The following CLSTN2 variants were observed in gnomAD, a reference collection of about 807,000 sequenced individuals.
CLSTN2 encodes the protein calsyntenin 2.
A neutral mutation model predicts 101.2 loss-of-function variants in CLSTN2; 48 were observed. The observed-to-expected ratio is 0.47, with a 90% CI of 0.38 to 0.60. The LOEUF is 0.60. CLSTN2 is among the 20% of genes least tolerant of loss of function. CLSTN2 has a pLI of 0.00. For missense variants in CLSTN2, 1,160 were observed against 1,238.2 expected (o/e 0.94, Z 0.95); for synonymous variants, 481 against 463.6 (o/e 1.04, Z -0.48).
In CLSTN2 at chr3:140,170,331, TAGACAA is replaced by T. The variant is rs145966499; in HGVS notation, c.110-5617_110-5612del. Among the ~76,000 whole-genome samples, 902 of 152,312 alleles carry T rather than the reference TAGACAA, an allele frequency of 5.9e-3. 5 individuals are homozygous for T. The highest frequency in any genetic ancestry group is 0.019 in the African/African-American group (779 of 41,568). On this transcript the variant is annotated intron_variant, in intron 1 of 16. Coordinates refer to ENST00000458420, the MANE Select transcript of CLSTN2 (RefSeq NM_022131.3). ...TTTGCAACCCTGATGATTTGATCTA[TAGACAA>T]AGGATAGAAGGCAATTTTGTTTATG... is the stretch of plus-strand genomic sequence containing the variant.
At chr3:140,233,771 G>A (rs1373230275) in intron 2 of CLSTN2, among the ~76,000 whole-genome samples, 1 of 152,138 alleles carries the variant, frequency 6.6e-6, no homozygotes, top group Non-Finnish European at 1.5e-5. Flanking sequence ...TAATATATCT[G>A]TTTAGCTTGA....
At chr3:140,290,677 C>A (rs138077377) in intron 2 of CLSTN2, among the ~76,000 whole-genome samples, 1 of 152,206 alleles carries the variant, frequency 6.6e-6, no homozygotes, top group South Asian at 2.1e-4. Flanking sequence ...CCTGGTTGAC[C>A]GCTAGCTTTG....
At chr3:140,014,058 T>A (rs2007145067) in intron 1 of CLSTN2, among the ~76,000 whole-genome samples, 1 of 152,172 alleles carries the variant, frequency 6.6e-6, no homozygotes, top group Non-Finnish European at 1.5e-5. Flanking sequence ...ATTTTCCAAT[T>A]CCATAGCCAA....
chr3:140,384,258 T>G (rs2088026138), intron 2 of CLSTN2, among the ~76,000 whole-genome samples: 1 of 152,218 alleles, frequency 6.6e-6, no homozygotes, highest in African/African-American at 2.4e-5. Context: ...ACTCCACCAT[T>G]TCATTCCTGC....
At chr3:140,427,864 CAGTGA>C (rs1233614246) in intron 5 of CLSTN2, among the ~76,000 whole-genome samples, 1 of 152,196 alleles carries the variant, frequency 6.6e-6, no homozygotes, top group Admixed American at 6.5e-5. Flanking sequence ...GAGCACTATA[CAGTGA>C]ACCCAGTTTG....
In CLSTN2 at chr3:139,935,615, G is replaced by T. The variant is rs1326819003; in HGVS notation, c.109+132G>T. The T allele has an allele frequency of 4.6e-6, 2 of 433,672 alleles. No homozygotes were observed. The highest frequency in any genetic ancestry group is 3.8e-6 in the Non-Finnish European group (1 of 260,930). 26.9% of individuals were successfully genotyped at this position (433,672 alleles called of 1,614,324 possible). A position where few individuals can be genotyped will look rare whatever the true frequency, so the allele number is the denominator to read the frequency against. On this transcript the variant is annotated intron_variant, in intron 1 of 16. Coordinates refer to ENST00000458420, the MANE Select transcript of CLSTN2 (RefSeq NM_022131.3). This position sits in a 1 kb window ranked among gnomAD's most constrained non-coding sequence, Gnocchi z 5.5. ...GCCGCAGCTTCTTTGGCCTCTGTGCGCCCTGGATTCCCGAAGTCAGTTCCC... is the reference window on the plus strand; with the variant it reads ...GCCGCAGCTTCTTTGGCCTCTGTGCTCCCTGGATTCCCGAAGTCAGTTCCC...
At chr3:140,369,523 A>C (rs1225030600) in intron 2 of CLSTN2, among the ~76,000 whole-genome samples, 2 of 152,132 alleles carry the variant, frequency 1.3e-5, no homozygotes, top group Non-Finnish European at 2.9e-5. Flanking sequence ...TGCATTTGCT[A>C]TCCTCTGGAC....
chr3:140,561,146 T>TATAA (rs1296095892), intron 12 of CLSTN2, among the ~76,000 whole-genome samples: 1 of 152,104 alleles, frequency 6.6e-6, no homozygotes. Flanking sequence ...TAGTACACTT[T>TATAA]ATAAATAAAT....
At chr3:140,397,677 CA>C (rs373471300) in intron 2 of CLSTN2, among the ~76,000 whole-genome samples, 5 of 152,294 alleles carry the variant, frequency 3.3e-5, no homozygotes, top group African/African-American at 1.2e-4. Flanking sequence ...GAGCACAAAT[CA>C]TGACCTAATT....
chr3:140,545,396 A>T (rs1935566290), intron 9 of CLSTN2, among the ~76,000 whole-genome samples: 1 of 152,210 alleles, frequency 6.6e-6, no homozygotes, highest in African/African-American at 2.4e-5. Flanking sequence ...GGAGCCACCA[A>T]GAGAGCCCAG....
intron 2 of CLSTN2, among the ~76,000 whole-genome samples, chr3:140,187,060 G>A (rs890530285): frequency 2.6e-5 from 4 of 152,152 alleles, no homozygotes; most frequent in Admixed American, 2.6e-4. Context: ...CATGGCCCTT[G>A]GCCCTTTCCT....
In CLSTN2 at chr3:140,239,722, C is replaced by T. The variant is rs530452044; in HGVS notation, c.232+63649C>T. 5.3e-5 allele frequency among the ~76,000 whole-genome samples: 8 copies of T among 152,132 alleles called. No homozygotes were observed. The East Asian group carries it at 1.4e-3, about 26-fold the overall frequency. ...TCTCCAAGTGCTAAAAGCCTTTCTG[C>T]AAATTTTGATGTGTACACATTATCA... On this transcript the variant is annotated intron_variant, in intron 2 of 16. Transcript: ENST00000458420.
intron 8 of CLSTN2, chr3:140,507,091 A>G (rs1225871553): frequency 6.6e-6 from 1 of 152,088 alleles, no homozygotes; most frequent in East Asian, 1.9e-4. Flanking sequence ...CTCTTCCTGG[A>G]CTGGGCAGAG....
chr3:140,126,097 A>T (rs934005493), intron 1 of CLSTN2, among the ~76,000 whole-genome samples: 2 of 152,148 alleles, frequency 1.3e-5, no homozygotes, highest in African/African-American at 4.8e-5. Context: ...GATGATGTAT[A>T]GCCTTAGGAG....
intron 2 of CLSTN2, among the ~76,000 whole-genome samples, chr3:140,250,364 A>G (rs1340731730): frequency 1.3e-5 from 2 of 152,174 alleles, no homozygotes; most frequent in African/African-American, 2.4e-5. Flanking sequence ...TCATGGTGAA[A>G]TGGGGGCAGA....
In CLSTN2 at chr3:140,531,140, G is replaced by A. The variant is rs1458445506; in HGVS notation, c.1345-1184G>A. Among the ~76,000 whole-genome samples the A allele has an allele frequency of 2.0e-5, 3 of 152,134 alleles. No individual in the cohort carries two copies. The East Asian group carries it at 5.8e-4, about 29-fold the overall frequency. On this transcript the variant is annotated intron_variant, in intron 8 of 16. Coordinates refer to ENST00000458420, the MANE Select transcript of CLSTN2 (RefSeq NM_022131.3). The stretch of plus-strand genomic sequence containing the variant: ...GTTTGGTCCAGGGCACCGAGCATGA[G>A]GGGAGTGGAAACTGGGTCAGGACCT...
chr3:140,145,737 C>T (rs1338494793), intron 1 of CLSTN2, among the ~76,000 whole-genome samples: 3 of 152,222 alleles, frequency 2.0e-5, no homozygotes, highest in Non-Finnish European at 2.9e-5. Flanking sequence ...CAGCCTTCTG[C>T]AATTTAACAA....
chr3:140,428,250 T>A (rs193102445), intron 5 of CLSTN2, among the ~76,000 whole-genome samples: 275 of 152,340 alleles, frequency 1.8e-3, no homozygotes, highest in Non-Finnish European at 3.0e-3. Context: ...TTCTTTTTAA[T>A]CCCTTGGCCC....
chr3:140,217,588 G>A (rs1423174500), intron 2 of CLSTN2, among the ~76,000 whole-genome samples: 2 of 152,198 alleles, frequency 1.3e-5, no homozygotes, highest in Non-Finnish European at 2.9e-5. Context: ...TGATGATTAC[G>A]ATAGTCTCTG....
Sources: gnomAD v4.1 joint callset for allele counts (sites outside exome capture counted in the v4.1 genomes callset) on GRCh38, gnomAD v4.1.1 for gene constraint, Gnocchi (gnomAD v3.1) non-coding constraint, MANE v1.5 for transcripts, NCBI Gene and HGNC (gene_info 2026-07-23, HGNC 2026-07-21) for gene names.